The following STAC2 variants were observed in gnomAD, a reference collection of about 807,000 sequenced individuals.
The protein encoded by STAC2 is SH3 and cysteine-rich domain-containing protein 2.
Under a neutral mutation model 49.0 loss-of-function variants are expected in STAC2, and 36 were observed. That is an observed-to-expected ratio of 0.74 (90% CI 0.56 to 0.97). The LOEUF is 0.97. STAC2 is among the 50% of genes least tolerant of loss of function. STAC2 has a pLI of 0.00. For synonymous variants in STAC2, 239 were observed against 214.7 expected (o/e 1.11, Z -0.99); for missense variants, 527 against 543.8 (o/e 0.97, Z 0.31).
chr17:39,214,916 C>T (rs773532702), intron 6 of STAC2, 35 bp downstream of exon 6: 2 of 1,613,928 alleles, frequency 1.2e-6, no homozygotes, highest in South Asian at 2.2e-5. Flanking sequence ...CTCCATTGTA[C>T]CCCATTCCTG....
At chr17:39,218,324 AG>A (rs1193262261) in intron 1 of STAC2, 151 bp from the exon 2 acceptor site, 2 of 777,452 alleles carry the variant, frequency 2.6e-6, no homozygotes, top group East Asian at 5.3e-5. Context: ...AAACAGCAAC[AG>A]AGAGGCTCCC....
chr17:39,221,363 T>G (rs1378052468), intron 1 of STAC2, among the ~76,000 whole-genome samples: 1 of 151,926 alleles, frequency 6.6e-6, no homozygotes. Context: ...CCTCCCAAAG[T>G]GCTGGGATTA....
At chr17:39,215,811 C>T (rs969726456) in intron 4 of STAC2, among the ~76,000 whole-genome samples, 11 of 152,056 alleles carry the variant, frequency 7.2e-5, no homozygotes, top group African/African-American at 2.4e-4. Flanking sequence ...TCAAGCAATT[C>T]TCCTGCCTCA....
chr17:39,220,330 T>G (rs1007946202), intron 1 of STAC2, among the ~76,000 whole-genome samples: 1 of 152,208 alleles, frequency 6.6e-6, no homozygotes, highest in African/African-American at 2.4e-5. Flanking sequence ...TCCACTGTTC[T>G]GTCCAGGGAC....
chr17:39,212,237 C>T lies in STAC2; in HGVS notation c.*55G>A, dbSNP rs911982869. 4.8e-5 allele frequency: 67 copies of T among 1,386,898 alleles called. No homozygotes were observed. Among genetic ancestry groups the T allele is most frequent in the Non-Finnish European group, 6.2e-5 (62 of 993,972 alleles). 85.9% of individuals were successfully genotyped at this position (1,386,898 alleles called of 1,614,324 possible). ...AAGGGGGCCTGATCCCCTCCCTGGC[C>T]AGAAGCAAGGTCCAGGCATGGGCAA... On this transcript the variant is annotated 3_prime_UTR_variant, in exon 11 of 11. Transcript: ENST00000333461.
At chr17:39,215,312 G>A (rs1030150167) in intron 4 of STAC2, 82 bp from the exon 5 acceptor site, 3 of 1,426,494 alleles carry the variant, frequency 2.1e-6, no homozygotes, top group Non-Finnish European at 2.9e-6. Context: ...CCCAGGCTGA[G>A]CTTCCCAGCT....
rs376331583 is a variant in STAC2 at position 39,217,891 on chromosome 17, C to T, written c.373G>A (p.Glu125Lys). Residue 125 changes from glutamate (E) to lysine (K), a missense_variant, in exon 2 of 11, where the codon GAG (glutamate) becomes AAG (lysine). By Grantham distance (56) the Glu-to-Lys change is moderately conservative (BLOSUM62 1). Coordinates refer to ENST00000333461, the MANE Select transcript of STAC2 (RefSeq NM_198993.5). Reference protein sequence around the residue: ...EHVFKRASPCELCHQLIVGNS... With the variant: ...EHVFKRASPCKLCHQLIVGNS... ...CCTACGATGAGCTGGTGGCACAGCT[C>T]ACAAGGGCTAGCTCGCTTGAAGACA... 6 of 1,606,088 alleles carry T rather than the reference C, an allele frequency of 3.7e-6. No individual in the cohort carries two copies. Among genetic ancestry groups the T allele is most frequent in the African/African-American group, 2.7e-5 (2 of 74,728 alleles).
At position 39,218,130 on chromosome 17, in the gene STAC2, C is replaced by T. The variant is rs772879194; in HGVS notation, c.134G>A (p.Arg45Gln). 2.4e-5 allele frequency: 38 copies of T among 1,613,340 alleles called. No homozygotes were observed. The highest frequency in any genetic ancestry group is 3.3e-4 in the Middle Eastern group (2 of 6,046). Residue 45 changes from arginine to glutamine, a missense_variant, in exon 2 of 11, where the codon CGA becomes CAA. Coordinates refer to ENST00000333461, the MANE Select transcript of STAC2 (RefSeq NM_198993.5). ...KRSLSLKTIL[R>Q]SKSLENFFLR... ...GAAGAAGTTCTCCAAGCTCTTACTT[C>T]GGAGGATGGTCTTGAGGGAGAGGGA...
At chr17:39,214,661 C>T (rs1457560728) in intron 7 of STAC2, 130 bp downstream of exon 7, 1 of 1,240,864 alleles carries the variant, frequency 8.1e-7, no homozygotes, top group African/African-American at 1.5e-5. Flanking sequence ...CATTGCCCAT[C>T]CCTGAGGATA....
intron 2 of STAC2, among the ~76,000 whole-genome samples, chr17:39,217,523 C>A (rs187411324): frequency 6.6e-6 from 1 of 152,144 alleles, no homozygotes; most frequent in Non-Finnish European, 1.5e-5. Flanking sequence ...CAGGGTTTGA[C>A]CAGCCTGAGC....
intron 1 of STAC2, among the ~76,000 whole-genome samples, chr17:39,219,425 A>C (rs1310791975): frequency 6.6e-6 from 1 of 151,968 alleles, no homozygotes; most frequent in Non-Finnish European, 1.5e-5. Context: ...ATTCTGTCTC[A>C]TGACCCACTC....
At chr17:39,216,751 T>G in intron 4 of STAC2, 59 bp downstream of exon 4, 1 of 1,469,852 alleles carries the variant, frequency 6.8e-7, no homozygotes, top group Non-Finnish European at 9.3e-7. Context: ...TGGTCAGGGA[T>G]GTTGATTTCT....
Position 39,214,950 on chromosome 17 carries a change from C to A in STAC2, c.772+1G>T, listed in dbSNP as rs1263536978. On this transcript the variant is annotated splice_donor_variant, in intron 6 of 10. Coordinates refer to ENST00000333461, the MANE Select transcript of STAC2 (RefSeq NM_198993.5). LOFTEE classifies it high-confidence loss of function. ...TGCCCTTGATGCCCACCACCACTCACCACTGTCACCAGGCCCCTCCTCAGA... is the reference window on the plus strand; with the variant it reads ...TGCCCTTGATGCCCACCACCACTCAACACTGTCACCAGGCCCCTCCTCAGA... The A allele has an allele frequency of 6.2e-7, 1 of 1,614,026 alleles. No individual in the cohort carries two copies. Among genetic ancestry groups the A allele is most frequent in the Non-Finnish European group, 8.5e-7 (1 of 1,180,028 alleles).
chr17:39,214,456 G>C, intron 7 of STAC2, 126 bp from the exon 8 acceptor site: 1 of 1,502,224 alleles, frequency 6.7e-7, no homozygotes, highest in Non-Finnish European at 8.9e-7. Flanking sequence ...TCAACGGCAG[G>C]GAGAAGTGAG....
intron 4 of STAC2, among the ~76,000 whole-genome samples, chr17:39,215,960 G>A (rs1250188940): frequency 6.6e-6 from 1 of 152,144 alleles, no homozygotes; most frequent in African/African-American, 2.4e-5. Flanking sequence ...CCAAAGTGCT[G>A]AGATTACAGG....
At position 39,212,161 on chromosome 17, in the gene STAC2, G is replaced by C. The variant is rs16545; in HGVS notation, c.*131C>G. 2 of 494,352 alleles carry C rather than the reference G, an allele frequency of 4.0e-6. No individual in the cohort carries two copies. The allele number at this position is 494,352 out of a possible 1,614,324, so 30.6% of individuals were successfully genotyped here. A position where few individuals can be genotyped will look rare whatever the true frequency, so the allele number is the denominator to read the frequency against. ...CCAGTACAAAAGGCTCCTAAGCCAC[G>C]GTAAGTGGCACCTAGGAGAGGGACA... On this transcript the variant is annotated 3_prime_UTR_variant, in exon 11 of 11. Coordinates refer to ENST00000333461, the MANE Select transcript of STAC2 (RefSeq NM_198993.5).
rs780925924 is a variant in STAC2, at chr17:39,212,302, G to A, written c.1226C>T (p.Thr409Ile). Reference protein sequence around the residue: ...KRGLVPVDALTEI With the variant: ...KRGLVPVDALIEI ...TTCCCTTGGCTCCTCTCAGATCTCA[G>A]TCAGGGCGTCGACTGGCACCAGGCC... Residue 409 changes from threonine to isoleucine, a missense_variant, in exon 11 of 11, where the codon ACT (threonine) becomes ATT (isoleucine). Coordinates refer to ENST00000333461, the MANE Select transcript of STAC2 (RefSeq NM_198993.5). 4.2e-5 allele frequency: 67 copies of A among 1,609,118 alleles called. No homozygotes were observed. Among genetic ancestry groups the A allele is most frequent in the Non-Finnish European group, 5.5e-5 (65 of 1,177,478 alleles).
chr17:39,213,091 A>G lies in STAC2; in HGVS notation c.1035T>C (p.Phe345=). Residue 345 remains phenylalanine (F), a synonymous_variant, in exon 10 of 11, where the codon TTT becomes TTC. Transcript: ENST00000333461. ...TCTCGCCTGGCCTCACCCGTTGCAC[A>G]AAATTAGCTGGGAAGAAGCCAACCC... is the stretch of plus-strand genomic sequence containing the variant. ...GDRVGFFPAN[F]VQRVRPGENV... 6.2e-7 allele frequency: 1 copy of G among 1,612,814 alleles called. No homozygotes were observed. Among genetic ancestry groups the G allele is most frequent in the East Asian group, 2.2e-5 (1 of 44,882 alleles).
In STAC2 at chr17:39,218,057, C is replaced by T. The variant is rs368505538; in HGVS notation, c.207G>A (p.Thr69=). ...AGGGAGGGGGCAGTGGGGTTGGGGGCGTCAGCAGCACCTCGGTGGGGCACT... is the reference window on the plus strand; with the variant it reads ...AGGGAGGGGGCAGTGGGGTTGGGGGTGTCAGCAGCACCTCGGTGGGGCACT... ...ELKCPTEVLL[T]PPTPLPPPSP... The change falls in exon 2 of 11, where the codon ACG becomes ACA. Residue 69 remains threonine, a synonymous_variant. Coordinates refer to ENST00000333461, the MANE Select transcript of STAC2 (RefSeq NM_198993.5). 1.4e-5 allele frequency: 22 copies of T among 1,609,702 alleles called. No homozygotes were observed. The highest frequency in any genetic ancestry group is 6.7e-5 in the Admixed American group (4 of 59,826).
Sources: gnomAD v4.1 joint callset for allele counts (sites outside exome capture counted in the v4.1 genomes callset) on GRCh38, gnomAD v4.1.1 for gene constraint, MANE v1.5 for transcripts, NCBI Gene and HGNC (gene_info 2026-07-23, HGNC 2026-07-21) for gene names.